The following PRPSAP1 variants were observed in gnomAD, a reference collection of about 807,000 sequenced individuals.
PRPSAP1 encodes the protein phosphoribosyl pyrophosphate synthetase associated protein 1.
In PRPSAP1, 31 loss-of-function variants were observed where a neutral mutation model predicts 39.4. The observed-to-expected ratio is 0.79, with a 90% CI of 0.59 to 1.06. The LOEUF is 1.06. PRPSAP1 is among the 50% of genes least tolerant of loss of function. PRPSAP1 has a pLI of 0.00. For missense variants in PRPSAP1, 430 were observed against 511.6 expected, an observed-to-expected ratio of 0.84 and a Z score of 1.54; for synonymous variants, 212 against 192.6, an observed-to-expected ratio of 1.10 and a Z score of -0.83.
chr17:76,341,756 G>A (rs1200703202), intron 3 of PRPSAP1, among the ~76,000 whole-genome samples: 1 of 152,106 alleles, frequency 6.6e-6, no homozygotes, highest in Non-Finnish European at 1.5e-5. Flanking sequence ...TGGCTAACAT[G>A]GTGAAACCCC....
At chr17:76,323,159 T>C (rs1423159939) in intron 7 of PRPSAP1, among the ~76,000 whole-genome samples, 1 of 104,866 alleles carries the variant, frequency 9.5e-6, no homozygotes, top group African/African-American at 4.5e-5. Flanking sequence ...CTGGCCAACA[T>C]GGTGAAACCC....
At position 76,353,846 on chromosome 17, in the gene PRPSAP1, G is replaced by C. The variant is rs990168663; in HGVS notation, c.-143C>G. The C allele has an allele frequency of 4.4e-6, 6 of 1,376,800 alleles. No homozygotes were observed. The highest frequency in any genetic ancestry group is 3.6e-5 in the Admixed American group (1 of 27,582). 85.3% of individuals were successfully genotyped at this position (1,376,800 alleles called of 1,614,324 possible). On this transcript the variant is annotated 5_prime_UTR_variant, in exon 1 of 10. Coordinates refer to ENST00000446526, the MANE Select transcript of PRPSAP1 (RefSeq NM_002766.3). ...AGAGCTCCGAGGTCCGTGCCCTTGCGCACCCCACACCACTGACTACAGCGG... is the reference window on the plus strand; with the variant it reads ...AGAGCTCCGAGGTCCGTGCCCTTGCCCACCCCACACCACTGACTACAGCGG...
chr17:76,353,501 GC>G, intron 1 of PRPSAP1, 32 bp downstream of exon 1: 5 of 1,468,966 alleles, frequency 3.4e-6, no homozygotes, highest in Admixed American at 2.5e-5. Flanking sequence ...AGGCGCCGCC[GC>G]CCCCGGCCCG....
At chr17:76,344,596 T>TG in intron 3 of PRPSAP1, 75 bp downstream of exon 3, 6 of 1,233,824 alleles carry the variant, frequency 4.9e-6, no homozygotes, top group Non-Finnish European at 6.9e-6. Context: ...ACTAAGTTGT[T>TG]GTTCATATGA....
intron 3 of PRPSAP1, 146 bp downstream of exon 3, chr17:76,344,519 CCTCCCA>C (rs1226239625): frequency 1.6e-6 from 1 of 641,540 alleles, no homozygotes; most frequent in Non-Finnish European, 2.6e-6. Flanking sequence ...CCCACCTCGG[CCTCCCA>C]AAGTGTTGGC....
intron 1 of PRPSAP1, among the ~76,000 whole-genome samples, chr17:76,348,835 GA>G (rs2071538460): frequency 6.6e-6 from 1 of 152,136 alleles, no homozygotes; most frequent in South Asian, 2.1e-4. Context: ...GTTGTTCTTT[GA>G]ATAGTAATTT....
At chr17:76,332,611 C>T (rs1431998333) in intron 3 of PRPSAP1, among the ~76,000 whole-genome samples, 176 bp from the exon 4 acceptor site, 1 of 152,208 alleles carries the variant, frequency 6.6e-6, no homozygotes, top group Non-Finnish European at 1.5e-5. Context: ...CTTTTTGTAG[C>T]TGAGTAAGCC....
intron 3 of PRPSAP1, among the ~76,000 whole-genome samples, chr17:76,340,145 C>CAAAAAAAA (rs71161288): frequency 1.3e-5 from 1 of 77,792 alleles, no homozygotes; most frequent in African/African-American, 4.1e-5. Context: ...GGCCTTGTCT[C>CAAAAAAAA]AAAAAAAAAA....
intron 7 of PRPSAP1, among the ~76,000 whole-genome samples, chr17:76,315,016 T>C (rs747316981): frequency 2.0e-5 from 3 of 152,256 alleles, no homozygotes; most frequent in Admixed American, 6.5e-5. Context: ...GTAACCTTAC[T>C]ATCAGATAAC....
At chr17:76,353,371 G>T in intron 1 of PRPSAP1, 163 bp downstream of exon 1, 1 of 676,922 alleles carries the variant, frequency 1.5e-6, no homozygotes, top group Non-Finnish European at 2.3e-6. Context: ...CCGGGGAGCG[G>T]GGGGCGGTAT....
intron 7 of PRPSAP1, among the ~76,000 whole-genome samples, chr17:76,323,718 T>G (rs2071222962): frequency 6.6e-6 from 1 of 151,096 alleles, no homozygotes; most frequent in Non-Finnish European, 1.5e-5. Context: ...GGTTTTTTGT[T>G]TTTTTTTTTG....
At chr17:76,348,446 C>G in intron 2 of PRPSAP1, 83 bp downstream of exon 2, 1 of 879,870 alleles carries the variant, frequency 1.1e-6, no homozygotes, top group South Asian at 3.1e-5. Context: ...GCACTCCAGC[C>G]TGGGCGACAG....
At position 76,340,514 on chromosome 17, in the gene PRPSAP1, C is replaced by A. The variant is rs1341025905; in HGVS notation, c.290+4157G>T. Among the ~76,000 whole-genome samples, 13 of 151,906 alleles carry A rather than the reference C, an allele frequency of 8.6e-5. No homozygotes were observed. The East Asian group carries it at 2.3e-3, about 27-fold the overall frequency. ...AGCACTCTTGGTTACCATGTGATATCAAAGCCAAGAATTTTATAAAATTCA... is the reference window on the plus strand; with the variant it reads ...AGCACTCTTGGTTACCATGTGATATAAAAGCCAAGAATTTTATAAAATTCA... On this transcript the variant is annotated intron_variant, in intron 3 of 9. Transcript: ENST00000446526.
chr17:76,351,343 G>A (rs1229218915), intron 1 of PRPSAP1, among the ~76,000 whole-genome samples: 1 of 152,064 alleles, frequency 6.6e-6, no homozygotes, highest in Admixed American at 6.6e-5. Flanking sequence ...AGTGAAACCC[G>A]TCTCTACTAA....
At chr17:76,334,628 AAAAAC>A (rs1348938516) in intron 3 of PRPSAP1, among the ~76,000 whole-genome samples, 3 of 77,560 alleles carry the variant, frequency 3.9e-5, no homozygotes, top group South Asian at 4.8e-4. Flanking sequence ...TATGATTAAA[AAAAAC>A]AAAAACAAAA....
intron 7 of PRPSAP1, among the ~76,000 whole-genome samples, chr17:76,328,430 G>A (rs1323796680): frequency 6.6e-6 from 1 of 152,050 alleles, no homozygotes; most frequent in Non-Finnish European, 1.5e-5. Flanking sequence ...CCAACATGGT[G>A]AAACCCTGTC....
intron 2 of PRPSAP1, among the ~76,000 whole-genome samples, chr17:76,347,699 G>C (rs2071525410): frequency 6.6e-6 from 1 of 151,976 alleles, no homozygotes; most frequent in Admixed American, 6.6e-5. Flanking sequence ...TAAAAAGACT[G>C]CTGGCTACTG....
chr17:76,322,660 A>C (rs1255340106), intron 7 of PRPSAP1, among the ~76,000 whole-genome samples: 2 of 151,948 alleles, frequency 1.3e-5, no homozygotes, highest in Non-Finnish European at 2.9e-5. Flanking sequence ...GGACAACAAG[A>C]CAAGACCCTG....
At chr17:76,350,016 C>T (rs1308404334) in intron 1 of PRPSAP1, among the ~76,000 whole-genome samples, 3 of 150,110 alleles carry the variant, frequency 2.0e-5, no homozygotes, top group East Asian at 2.0e-4. Flanking sequence ...ACCTGGGAGG[C>T]GGGGGCTGCA....
Sources: gnomAD v4.1 joint callset for allele counts (sites outside exome capture counted in the v4.1 genomes callset) on GRCh38, gnomAD v4.1.1 for gene constraint, MANE v1.5 for transcripts, NCBI Gene and HGNC (gene_info 2026-07-23, HGNC 2026-07-21) for gene names.